SUN1: variants seen among roughly 807,000 people sequenced by gnomAD.
SUN1 encodes the protein SUN domain-containing protein 1.
Under a neutral mutation model 103.2 loss-of-function variants are expected in SUN1, and 61 were observed. That is an observed-to-expected ratio of 0.59 (90% CI 0.48 to 0.73). The LOEUF is 0.73. Ranked by LOEUF, SUN1 falls within the 30% of genes least tolerant of loss-of-function variation. The probability of loss-of-function intolerance (pLI) is 0.00; values close to 1 mark genes in which losing one functional copy is unlikely to be tolerated. For synonymous variants in SUN1, 490 were observed against 425.7 expected, an observed-to-expected ratio of 1.15 and a Z score of -1.86; for missense variants, 1,052 against 1,034.6, an observed-to-expected ratio of 1.02 and a Z score of -0.23.
At position 855,089 on chromosome 7, in the gene SUN1, A is replaced by G. The variant is rs1001219966; in HGVS notation, c.1350+83A>G. Reference sequence around the variant, plus strand: ...TATTTTAAAGCCCTTTGGTCATTTAATGTTCCTCTTTTTAGGCTATTTGCT... The same window carrying G: ...TATTTTAAAGCCCTTTGGTCATTTAGTGTTCCTCTTTTTAGGCTATTTGCT... On this transcript the variant is annotated intron_variant, in intron 11 of 18. Transcript: ENST00000401592. 5.6e-6 allele frequency: 6 copies of G among 1,079,802 alleles called. No individual in the cohort carries two copies. In the African/African-American group the frequency reaches 8.0e-5, roughly 14 times the overall value. The allele number at this position is 1,079,802 out of a possible 1,614,324, so 66.9% of individuals were successfully genotyped here.
At chr7:829,703 C>T (rs980896330), upstream of SUN1, among the ~76,000 whole-genome samples, 2 of 152,132 alleles carry the variant, frequency 1.3e-5, no homozygotes, top group East Asian at 1.9e-4. Flanking sequence ...TACAGGCGCC[C>T]GCCACCAAGC....
chr7:836,524 T>G (rs1419101401), intron 1 of SUN1, among the ~76,000 whole-genome samples: 8 of 152,132 alleles, frequency 5.3e-5, no homozygotes, highest in Admixed American at 4.6e-4. Flanking sequence ...AGTTCCAGTT[T>G]GAAGGTCAGC....
At chr7:838,492 G>A (rs1805754429) in intron 1 of SUN1, among the ~76,000 whole-genome samples, 1 of 152,186 alleles carries the variant, frequency 6.6e-6, no homozygotes, top group Admixed American at 6.5e-5. Context: ...CGTAGGTGGG[G>A]ACTCAGGGCT....
At chr7:836,671 G>C (rs575049800) in intron 1 of SUN1, among the ~76,000 whole-genome samples, 96 of 152,338 alleles carry the variant, frequency 6.3e-4, no homozygotes, top group African/African-American at 2.2e-3. Context: ...CAGCTGACTG[G>C]AGGGCAGTCT....
intron 1 of SUN1, among the ~76,000 whole-genome samples, chr7:819,858 G>A (rs1179379172): frequency 2.6e-5 from 4 of 152,034 alleles, no homozygotes; most frequent in East Asian, 3.9e-4. Flanking sequence ...ACAGGCGCCC[G>A]CCACCACACA....
chr7:849,757 A>G (rs943485695), intron 5 of SUN1: 5 of 1,097,648 alleles, frequency 4.6e-6, no homozygotes, highest in Non-Finnish European at 6.9e-6. Flanking sequence ...TTAAGCCCTC[A>G]TCACAGAAGC....
chr7:849,986 G>A (rs374494725), intron 5 of SUN1: 44 of 1,602,196 alleles, frequency 2.7e-5, no homozygotes, highest in African/African-American at 2.0e-4. Flanking sequence ...CAGTCGCCAC[G>A]GCTGCCCGGT....
At chr7:867,286 A>G (rs1420840035) in intron 16 of SUN1, among the ~76,000 whole-genome samples, 2 of 152,256 alleles carry the variant, frequency 1.3e-5, no homozygotes, top group East Asian at 3.8e-4. Context: ...ACGAAGCCAC[A>G]CAGCCCTGCG....
intron 1 of SUN1, among the ~76,000 whole-genome samples, chr7:837,395 G>A (rs1804482913): frequency 6.6e-6 from 1 of 152,218 alleles, no homozygotes; most frequent in Non-Finnish European, 1.5e-5. Context: ...GGTGCTGTGG[G>A]TCCAGGGATG....
rs187572654 is a variant in SUN1 at position 839,585 on chromosome 7, C to T, written c.266+599C>T. ...TTTTTTTTGAGACAGAGTCTCACTT[C>T]GTTGCCCAGGCTGGAGTACAGTGGT... On this transcript the variant is annotated intron_variant, in intron 2 of 18. Transcript: ENST00000401592. Among the ~76,000 whole-genome samples the T allele has an allele frequency of 5.4e-3, 246 of 45,574 alleles. 64 individuals are homozygous for T. Among genetic ancestry groups the T allele is most frequent in the African/African-American group, 0.018 (229 of 12,600 alleles). 29.9% of individuals were successfully genotyped at this position (45,574 alleles called of 152,430 possible).
chr7:839,095 G>A, intron 2 of SUN1, 109 bp downstream of exon 2: 1 of 1,133,546 alleles, frequency 8.8e-7, no homozygotes, highest in South Asian at 1.7e-5. Context: ...TTAAGGATAT[G>A]TGTGTGTATG....
chr7:828,350 C>A (rs1027987805), upstream of SUN1, among the ~76,000 whole-genome samples: 3 of 151,962 alleles, frequency 2.0e-5, no homozygotes, highest in Non-Finnish European at 4.4e-5. Flanking sequence ...TGGCTCACTG[C>A]AACCTCCATC....
rs1047796635 is a variant in SUN1 at position 873,478 on chromosome 7, T to C, written c.*147T>C. On this transcript the variant is annotated 3_prime_UTR_variant, in exon 19 of 19. Transcript: ENST00000401592. ...GGCTGCTGGCCAGAGGACGTGAGCG[T>C]GTGACGGGCGCCTTGGCGCCACCTG... 1.9e-5 allele frequency: 15 copies of C among 809,960 alleles called. No individual in the cohort carries two copies. The highest frequency in any genetic ancestry group is 2.5e-5 in the Non-Finnish European group (13 of 516,392). The allele number at this position is 809,960 out of a possible 1,614,324, so 50.2% of individuals were successfully genotyped here.
At position 858,641 on chromosome 7, in the gene SUN1, CAT is replaced by C. The variant is rs546826528; in HGVS notation, c.1524+687_1524+688del. Among the ~76,000 whole-genome samples the C allele has an allele frequency of 1.3e-3, 191 of 152,296 alleles. 1 individual carries two copies. The highest frequency in any genetic ancestry group is 2.4e-3 in the Non-Finnish European group (162 of 68,034). The stretch of plus-strand genomic sequence containing the variant: ...CTGCTTGCTCTGTTTCGTGTCGAAA[CAT>C]ATCATAGACATTGCTTCAAGTCCAT... On this transcript the variant is annotated intron_variant, in intron 13 of 18. Transcript: ENST00000401592.
Position 854,926 on chromosome 7 carries a change from T to C in SUN1, c.1270T>C (p.Phe424Leu), listed in dbSNP as rs548117640. 52 of 1,612,638 alleles carry C rather than the reference T, an allele frequency of 3.2e-5. No homozygotes were observed. The highest frequency in any genetic ancestry group is 4.2e-5 in the Non-Finnish European group (49 of 1,179,450). The stretch of plus-strand genomic sequence containing the variant: ...ACTCCTTCTCTTTCCTAAGACTGAC[T>C]TTATGGCCTTTCACCAAGAACATGA... The part of the protein sequence containing the change: ...AVGQPPRETD[F>L]MAFHQEHEVR... Residue 424 changes from phenylalanine (F) to leucine (L), a missense_variant, in exon 11 of 19, where the codon TTT becomes CTT. Phe to Leu is a conservative substitution (Grantham distance 22, BLOSUM62 0). This residue lies in a region of SUN1 where 846 missense variants were observed against 774.5 expected (regional missense o/e 1.09). Transcript: ENST00000401592.
At position 838,660 on chromosome 7, in the gene SUN1, T is replaced by C; in HGVS notation, c.78-138T>C. On this transcript the variant is annotated intron_variant, in intron 1 of 18. Coordinates refer to ENST00000401592, the MANE Select transcript of SUN1 (RefSeq NM_001130965.3). ...CCTGTGTGCCACCGTACGTTTGCTT[T>C]AGAGTGAGGTTGTCACCCAGTAATA... 7 of 866,758 alleles carry C rather than the reference T, an allele frequency of 8.1e-6. No homozygotes were observed. The South Asian group carries it at 1.4e-4, about 17-fold the overall frequency. 53.7% of individuals were successfully genotyped at this position (866,758 alleles called of 1,614,324 possible).
In SUN1 at chr7:855,357, G is replaced by A. The variant is rs57232133; in HGVS notation, c.1350+351G>A. ...ACACCCACCTTGCAGTGTCTTCAGA[G>A]GGGGGATAAAGGACCTGAACCTTTT... On this transcript the variant is annotated intron_variant, in intron 11 of 18. Transcript: ENST00000401592. Among the ~76,000 whole-genome samples, 1,025 of 152,330 alleles carry A rather than the reference G, an allele frequency of 6.7e-3. 15 individuals are homozygous for A. The highest frequency in any genetic ancestry group is 0.023 in the African/African-American group (955 of 41,578).
At chr7:834,813 C>T (rs560316688) in intron 1 of SUN1, among the ~76,000 whole-genome samples, 8 of 152,286 alleles carry the variant, frequency 5.3e-5, no homozygotes, top group Non-Finnish European at 1.0e-4. Context: ...CAGTGGCTCA[C>T]GCCTGTAATC....
Position 848,185 on chromosome 7 carries a change from C to A in SUN1, c.659-3199C>A, listed in dbSNP as rs539727781. ...GGGGGTTACTCTGCAGCACCCTCTCCGGGATCCCCTGGGGGTTACTCTGCA... is the reference window on the plus strand; with the variant it reads ...GGGGGTTACTCTGCAGCACCCTCTCAGGGATCCCCTGGGGGTTACTCTGCA... On this transcript the variant is annotated intron_variant, in intron 5 of 18. Coordinates refer to ENST00000401592, the MANE Select transcript of SUN1 (RefSeq NM_001130965.3). Among the ~76,000 whole-genome samples, 396 of 130,028 alleles carry A rather than the reference C, an allele frequency of 3.0e-3. 3 individuals carry two copies. The highest frequency in any genetic ancestry group is 9.8e-3 in the African/African-American group (366 of 37,480). 85.3% of individuals were successfully genotyped at this position (130,028 alleles called of 152,430 possible).
Sources: allele counts gnomAD v4.1 joint callset (sites outside exome capture counted in the v4.1 genomes callset), GRCh38; gene constraint gnomAD v4.1.1; regional missense constraint gnomAD v4.1.1; transcripts MANE v1.5; gene names NCBI Gene and HGNC (gene_info 2026-07-23, HGNC 2026-07-21).